Variants in CRACDL observed in about 807,000 individuals in gnomAD.
CRACDL encodes CRACD-like protein.
Under a neutral mutation model 70.6 loss-of-function variants are expected in CRACDL, and 26 were observed. That is an observed-to-expected ratio of 0.37 (90% CI 0.27 to 0.51). CRACDL has a LOEUF of 0.51. CRACDL is among the 20% of genes least tolerant of loss of function. The probability of loss-of-function intolerance (pLI) is 0.94; values close to 1 mark genes in which losing one functional copy is unlikely to be tolerated. For missense variants in CRACDL, 1,283 were observed against 1,376.9 expected, an observed-to-expected ratio of 0.93 and a Z score of 1.08; for synonymous variants, 618 against 615.2, an observed-to-expected ratio of 1.00 and a Z score of -0.07.
At chr2:98,890,197 AAACT>A (rs1707924891) in intron 1 of CRACDL, among the ~76,000 whole-genome samples, 1 of 152,150 alleles carries the variant, frequency 6.6e-6, no homozygotes. Flanking sequence ...AAAACAAAGA[AAACT>A]AACAAAACCA....
intron 1 of CRACDL, among the ~76,000 whole-genome samples, chr2:98,902,911 C>G (rs1224243734): frequency 6.6e-6 from 1 of 152,110 alleles, no homozygotes; most frequent in African/African-American, 2.4e-5. Context: ...GAAAACGAAC[C>G]GACTGTCCTA....
intron 1 of CRACDL, chr2:98,869,217 C>T (rs1707254354): frequency 3.6e-5 from 47 of 1,299,998 alleles, no homozygotes; most frequent in South Asian, 1.7e-4. Flanking sequence ...CTAGGGCCCA[C>T]GGGTCACCAC....
At chr2:98,911,530 G>A (rs191825753) in intron 1 of CRACDL, among the ~76,000 whole-genome samples, 3 of 152,174 alleles carry the variant, frequency 2.0e-5, no homozygotes, top group Admixed American at 6.5e-5. Flanking sequence ...TCCAACACGC[G>A]TTGTCCAAAG....
intron 6 of CRACDL, among the ~76,000 whole-genome samples, chr2:98,826,670 G>T (rs903422066): frequency 1.2e-4 from 18 of 152,204 alleles, no homozygotes; most frequent in Non-Finnish European, 1.8e-4. Flanking sequence ...GATGTGCCAG[G>T]CCTGGAGCGT....
chr2:98,890,021 G>A (rs902328376), intron 1 of CRACDL, among the ~76,000 whole-genome samples: 4 of 152,118 alleles, frequency 2.6e-5, no homozygotes, highest in Admixed American at 6.5e-5. Context: ...TGCTTGCAAG[G>A]ATATTTATAG....
At chr2:98,889,307 GAAA>G (rs1707894607) in intron 1 of CRACDL, among the ~76,000 whole-genome samples, 2 of 54,178 alleles carry the variant, frequency 3.7e-5, no homozygotes, top group South Asian at 3.4e-4. Flanking sequence ...AAGAAAGAAA[GAAA>G]GAAAGAAAGA....
intron 1 of CRACDL, among the ~76,000 whole-genome samples, chr2:98,878,517 T>C (rs1233588782): frequency 2.6e-5 from 4 of 152,252 alleles, no homozygotes; most frequent in Non-Finnish European, 5.9e-5. Flanking sequence ...GTTCACACGA[T>C]GAAATCACCT....
chr2:98,813,698 T>C (rs960028391), intron 7 of CRACDL, among the ~76,000 whole-genome samples: 1 of 152,228 alleles, frequency 6.6e-6, no homozygotes, highest in East Asian at 1.9e-4. Context: ...TTCTGTATTG[T>C]CTTTAATTCC....
chr2:98,910,906 A>G (rs1708532102), intron 1 of CRACDL, among the ~76,000 whole-genome samples: 1 of 152,222 alleles, frequency 6.6e-6, no homozygotes, highest in South Asian at 2.1e-4. Context: ...TCAAGGTTGC[A>G]GGGAATTACC....
At chr2:98,923,541 A>T (rs530922940) in intron 1 of CRACDL, among the ~76,000 whole-genome samples, 13 of 152,336 alleles carry the variant, frequency 8.5e-5, no homozygotes. Context: ...AGAGGCTACA[A>T]ATATTAATTA....
At chr2:98,831,437 C>G (rs1178716176) in intron 5 of CRACDL, among the ~76,000 whole-genome samples, 2 of 152,180 alleles carry the variant, frequency 1.3e-5, no homozygotes, top group Non-Finnish European at 2.9e-5. Flanking sequence ...CAACGAAGCT[C>G]CCCCTTCACT....
At chr2:98,824,287 AC>A (rs1416196610) in intron 6 of CRACDL, among the ~76,000 whole-genome samples, 2 of 55,218 alleles carry the variant, frequency 3.6e-5, no homozygotes, top group East Asian at 6.7e-4. Flanking sequence ...ACTCTCCCCC[AC>A]CCCCCTGCCC....
At chr2:98,886,338 T>C (rs2104625622) in intron 1 of CRACDL, among the ~76,000 whole-genome samples, 1 of 152,336 alleles carries the variant, frequency 6.6e-6, no homozygotes, top group East Asian at 1.9e-4. Context: ...TACCGGCAAA[T>C]ATTTAACTTC....
chr2:98,822,307 C>T lies in CRACDL; in HGVS notation c.1966G>A (p.Glu656Lys). ...SPAGPRKSPQEAAAAPGTREP... is the reference protein window; with the variant it reads ...SPAGPRKSPQKAAAAPGTREP... ...CTCGTGCCGGGCGCGGCGGCCGCCT[C>T]CTGAGGGCTCTTGCGCGGCCCGGCC... The change falls in exon 7 of 10, where the codon GAG (glutamate) becomes AAG (lysine). Residue 656 changes from glutamate to lysine, a missense_variant. By Grantham distance (56) the Glu-to-Lys change is moderately conservative. Around this residue, in one of 2 missense-constraint regions of CRACDL, gnomAD observed 921 missense variants for 881.9 expected, o/e 1.04. Transcript: ENST00000397899. This position sits in a 1 kb window ranked among gnomAD's most constrained non-coding sequence, Gnocchi z 4.9. 6.6e-7 allele frequency: 1 copy of T among 1,509,650 alleles called. No homozygotes were observed. The highest frequency in any genetic ancestry group is 8.8e-7 in the Non-Finnish European group (1 of 1,139,510). 93.5% of individuals were successfully genotyped at this position (1,509,650 alleles called of 1,614,324 possible). A position where few individuals can be genotyped will look rare whatever the true frequency, so the allele number is the denominator to read the frequency against.
At chr2:98,909,630 ACC>A (rs1708496114) in intron 1 of CRACDL, among the ~76,000 whole-genome samples, 1 of 152,108 alleles carries the variant, frequency 6.6e-6, no homozygotes, top group Non-Finnish European at 1.5e-5. Flanking sequence ...TCTGCTGCTG[ACC>A]CGCCTGCTCT....
At chr2:98,818,262 C>G (rs2104453540) in intron 7 of CRACDL, among the ~76,000 whole-genome samples, 1 of 152,364 alleles carries the variant, frequency 6.6e-6, no homozygotes, top group East Asian at 1.9e-4. Flanking sequence ...GCAGTAACCA[C>G]TCCAGCACAG....
chr2:98,876,959 C>T (rs1707501880), intron 1 of CRACDL, among the ~76,000 whole-genome samples: 1 of 152,248 alleles, frequency 6.6e-6, no homozygotes, highest in Non-Finnish European at 1.5e-5. Flanking sequence ...GAGATACATT[C>T]TTTTCATCAC....
intron 1 of CRACDL, among the ~76,000 whole-genome samples, chr2:98,874,516 C>G (rs1235245643): frequency 6.6e-6 from 1 of 152,234 alleles, no homozygotes; most frequent in African/African-American, 2.4e-5. Flanking sequence ...CTCCGCATGC[C>G]TGGATGCACC....
chr2:98,822,687 G>T lies in CRACDL; in HGVS notation c.1586C>A (p.Ser529Tyr). 1 of 1,268,386 alleles carries T rather than the reference G, an allele frequency of 7.9e-7. No individual in the cohort carries two copies. Among genetic ancestry groups the T allele is most frequent in the Middle Eastern group, 3.0e-4 (1 of 3,304 alleles). 78.6% of individuals were successfully genotyped at this position (1,268,386 alleles called of 1,614,324 possible). A position where few individuals can be genotyped will look rare whatever the true frequency, so the allele number is the denominator to read the frequency against. ...CGGGGCGGCGGCCTCTGCGTCGAGG[G>T]AACCGGGGCCGGGCTCCACCGGGGG... is the stretch of plus-strand genomic sequence containing the variant. ...ESPPVEPGPG[S>Y]LDAEAAAPER... The change falls in exon 7 of 10, where the codon TCC (serine) becomes TAC (tyrosine). Residue 529 changes from serine to tyrosine, a missense_variant. Coordinates refer to ENST00000397899, the MANE Select transcript of CRACDL (RefSeq NM_207362.3). The surrounding 1 kb of genome is among the most constrained non-coding windows in gnomAD (Gnocchi z 4.9).
Sources: gnomAD v4.1 joint callset for allele counts (sites outside exome capture counted in the v4.1 genomes callset) on GRCh38, gnomAD v4.1.1 for gene constraint, gnomAD v4.1.1 regional missense constraint, Gnocchi (gnomAD v3.1) non-coding constraint, MANE v1.5 for transcripts, NCBI Gene and HGNC (gene_info 2026-07-23, HGNC 2026-07-21) for gene names.